DSE: variants seen among roughly 807,000 people sequenced by gnomAD.
The protein encoded by DSE is dermatan-sulfate epimerase.
Under a neutral mutation model 84.4 loss-of-function variants are expected in DSE, and 36 were observed. That is an observed-to-expected ratio of 0.43 (90% CI 0.33 to 0.56). The LOEUF (loss-of-function observed/expected upper bound fraction) is 0.56, where lower values mean the gene tolerates loss of function less well. Among genes scored for constraint, DSE ranks in the 20% least tolerant of loss-of-function variants. The pLI is 0.06. For synonymous variants in DSE, 410 were observed against 430.1 expected (o/e 0.95, Z 0.58); for missense variants, 862 against 1,169.6 (o/e 0.74, Z 3.84).
intron 2 of DSE, among the ~76,000 whole-genome samples, chr6:116,410,455 C>T (rs1782248076): frequency 6.6e-6 from 1 of 152,056 alleles, no homozygotes; most frequent in South Asian, 2.1e-4. Flanking sequence ...ATCTACAGGC[C>T]GAGCGTGGTG....
intron 2 of DSE, among the ~76,000 whole-genome samples, chr6:116,324,302 A>G (rs1242949189): frequency 6.6e-6 from 1 of 152,198 alleles, no homozygotes; most frequent in African/African-American, 2.4e-5. Flanking sequence ...GATATATACA[A>G]CAGCAGGCAA....
chr6:116,329,183 C>T (rs1471424617), intron 2 of DSE, among the ~76,000 whole-genome samples: 1 of 152,194 alleles, frequency 6.6e-6, no homozygotes, highest in African/African-American at 2.4e-5. Context: ...TTCTAACTCT[C>T]AAATGCACAT....
chr6:116,279,814 C>A lies in DSE; in HGVS notation c.-54+20847C>A, dbSNP rs1269638603. ...TTGGAGGGGAGTGGTCCTCTTGACC[C>A]CATCCAGGCCGCTCATGTTGCTAAC... On this transcript the variant is annotated intron_variant, in intron 2 of 3. Coordinates refer to the DSE transcript ENST00000430252. The A allele has an allele frequency of 6.2e-7, 1 of 1,613,036 alleles. No homozygotes were observed. The highest frequency in any genetic ancestry group is 1.3e-5 in the African/African-American group (1 of 75,048).
At chr6:116,369,690 T>A (rs1779389223), upstream of DSE, 2 of 314,296 alleles carry the variant, frequency 6.4e-6, no homozygotes, top group Non-Finnish European at 1.3e-5. Flanking sequence ...GTGGTTCACC[T>A]GAGTGAACAT....
chr6:116,289,104 G>A (rs1774121400), intron 2 of DSE, among the ~76,000 whole-genome samples: 2 of 152,058 alleles, frequency 1.3e-5, no homozygotes, highest in Admixed American at 1.3e-4. Flanking sequence ...AGAGAGGAAT[G>A]AAGCTAAATG....
chr6:116,397,987 T>G (rs1210908655), intron 1 of DSE, among the ~76,000 whole-genome samples: 1 of 152,230 alleles, frequency 6.6e-6, no homozygotes, highest in African/African-American at 2.4e-5. Context: ...TTAGTTTTTC[T>G]TCTTCTAAAT....
At chr6:116,420,944 T>C (rs1012955724) in intron 2 of DSE, among the ~76,000 whole-genome samples, 2 of 152,214 alleles carry the variant, frequency 1.3e-5, no homozygotes, top group Non-Finnish European at 2.9e-5. Context: ...TACATAATAT[T>C]TTAAAAAGCA....
intron 2 of DSE, among the ~76,000 whole-genome samples, chr6:116,360,485 A>G (rs1471207751): frequency 6.6e-6 from 1 of 152,128 alleles, no homozygotes; most frequent in African/African-American, 2.4e-5. Flanking sequence ...AAAATATTCA[A>G]AAGCTAGTTT....
exon 2 of DSE, chr6:116,258,783 G>A (rs1451307171): frequency 6.2e-7 from 1 of 1,609,704 alleles, no homozygotes; most frequent in Middle Eastern, 1.7e-4. Context: ...CGTTCACCAG[G>A]ACCTGCAGAG....
rs571698815 is a variant in DSE, at chr6:116,379,649, T to G, written c.-54+8528T>G. 3.3e-5 allele frequency among the ~76,000 whole-genome samples: 5 copies of G among 152,308 alleles called. No homozygotes were observed. The South Asian group carries it at 1.0e-3, about 32-fold the overall frequency. On this transcript the variant is annotated intron_variant, in intron 1 of 5. Coordinates refer to ENST00000644252, the MANE Select transcript of DSE (RefSeq NM_013352.4). ...TTTTTTTCTAAGGAAACAAGTACTG[T>G]TCAGGGTGGATTCATCCCATTATCT...
intron 2 of DSE, among the ~76,000 whole-genome samples, chr6:116,343,696 C>T (rs1777765241): frequency 6.6e-6 from 1 of 152,186 alleles, no homozygotes; most frequent in South Asian, 2.1e-4. Context: ...AGCAGAAAAG[C>T]TGAAAATTCT....
intron 1 of DSE, among the ~76,000 whole-genome samples, chr6:116,388,178 G>C (rs1321068243): frequency 1.3e-5 from 2 of 152,120 alleles, no homozygotes; most frequent in Non-Finnish European, 2.9e-5. Flanking sequence ...TCTGCCATTT[G>C]CACTCTGGAG....
chr6:116,376,088 A>G (rs1779906587), intron 1 of DSE, among the ~76,000 whole-genome samples: 2 of 152,188 alleles, frequency 1.3e-5, no homozygotes, highest in Non-Finnish European at 2.9e-5. Context: ...CCCTTTTACT[A>G]CTCACTACTC....
chr6:116,280,956 A>G (rs1169789282), intron 2 of DSE, among the ~76,000 whole-genome samples: 1 of 152,268 alleles, frequency 6.6e-6, no homozygotes, highest in Non-Finnish European at 1.5e-5. Context: ...TAGTAGCCTG[A>G]TGGCCCTCAA....
upstream of DSE, chr6:116,370,034 C>T (rs990446660): frequency 6.6e-6 from 7 of 1,053,598 alleles, no homozygotes; most frequent in East Asian, 1.2e-4. Flanking sequence ...GGTGATGGCC[C>T]TGATCCTACC....
At chr6:116,287,934 G>GGGAT (rs1470385503) in intron 2 of DSE, among the ~76,000 whole-genome samples, 5 of 152,062 alleles carry the variant, frequency 3.3e-5, no homozygotes, top group African/African-American at 1.2e-4. Context: ...GAAGAACTAT[G>GGGAT]GGATGGTCTT....
intron 2 of DSE, chr6:116,400,315 C>T (rs1482684568): frequency 3.3e-5 from 5 of 151,998 alleles, no homozygotes; most frequent in African/African-American, 1.2e-4. Context: ...CATATGCTTC[C>T]AAACAGATAT....
At chr6:116,293,200 TA>T (rs1292822089) in intron 2 of DSE, among the ~76,000 whole-genome samples, 4 of 152,084 alleles carry the variant, frequency 2.6e-5, no homozygotes, top group African/African-American at 9.7e-5. Flanking sequence ...GGCTTGTATT[TA>T]AAGCTGAAGC....
intron 2 of DSE, among the ~76,000 whole-genome samples, chr6:116,321,678 G>T (rs138733504): frequency 0.01 from 1,586 of 152,246 alleles, 26 homozygotes; most frequent in African/African-American, 0.036. Flanking sequence ...GGAGGCTGAG[G>T]CAGGAGAATC....
Sources: gnomAD v4.1 joint callset for allele counts (sites outside exome capture counted in the v4.1 genomes callset) on GRCh38, gnomAD v4.1.1 for gene constraint, MANE v1.5 for transcripts, NCBI Gene and HGNC (gene_info 2026-07-23, HGNC 2026-07-21) for gene names.